The following CACNA1D variants were observed in gnomAD, a reference collection of about 807,000 sequenced individuals.
CACNA1D encodes calcium voltage-gated channel subunit alpha1 D.
CACNA1D carries 55 observed loss-of-function variants against 257.1 expected under a neutral mutation model. The ratio of observed to expected loss-of-function variants is 0.21; its 90% confidence interval spans 0.17 to 0.27. The LOEUF (loss-of-function observed/expected upper bound fraction) is 0.27, where lower values mean the gene tolerates loss of function less well. Among genes scored for constraint, CACNA1D ranks in the 10% least tolerant of loss-of-function variants. CACNA1D has a pLI of 1.00. For synonymous variants in CACNA1D, 980 were observed against 1,014.9 expected, an observed-to-expected ratio of 0.97 and a Z score of 0.65; for missense variants, 1,876 against 2,784.0, an observed-to-expected ratio of 0.67 and a Z score of 7.34.
At chr3:53,777,080 T>C in intron 37 of CACNA1D, 124 bp downstream of exon 37, 1 of 753,930 alleles carries the variant, frequency 1.3e-6, no homozygotes, top group East Asian at 2.7e-5. Context: ...ATGAATAATA[T>C]GTGGTTCCTA....
At chr3:53,735,352 A>C (rs1263791503) in intron 19 of CACNA1D, 22 bp from the exon 20 acceptor site, 1 of 1,613,260 alleles carries the variant, frequency 6.2e-7, no homozygotes, top group Non-Finnish European at 8.5e-7. Context: ...GACTGTTTCC[A>C]AGCAGCGGCT....
intron 37 of CACNA1D, among the ~76,000 whole-genome samples, chr3:53,777,209 C>T (rs1032368697): frequency 3.3e-5 from 5 of 152,202 alleles, no homozygotes; most frequent in Middle Eastern, 3.4e-3. Context: ...CATTTCAGTC[C>T]GGTCCAGAAG....
chr3:53,791,543 G>C (rs1442536197), intron 40 of CACNA1D: 2 of 154,718 alleles, frequency 1.3e-5, no homozygotes, highest in Admixed American at 1.3e-4. Flanking sequence ...AGCTGACAGA[G>C]TTCCTTTTGT....
At chr3:53,769,550 A>T (rs945561881) in intron 30 of CACNA1D, among the ~76,000 whole-genome samples, 1 of 152,190 alleles carries the variant, frequency 6.6e-6, no homozygotes. Context: ...GGCAGGCACC[A>T]CTGCTTGCCC....
At chr3:53,663,090 G>A (rs2094221374) in intron 5 of CACNA1D, among the ~76,000 whole-genome samples, 1 of 152,178 alleles carries the variant, frequency 6.6e-6, no homozygotes, top group Non-Finnish European at 1.5e-5. Context: ...AGTTTTAGTT[G>A]TAATAGAGGT....
intron 3 of CACNA1D, among the ~76,000 whole-genome samples, chr3:53,578,576 G>C (rs1478959821): frequency 6.6e-6 from 1 of 152,148 alleles, no homozygotes; most frequent in Non-Finnish European, 1.5e-5. Flanking sequence ...TGGTGAGGAT[G>C]AATCTGTGAA....
At chr3:53,746,678 C>T (rs921053746) in intron 25 of CACNA1D, among the ~76,000 whole-genome samples, 1 of 152,210 alleles carries the variant, frequency 6.6e-6, no homozygotes, top group African/African-American at 2.4e-5. Flanking sequence ...TTCATGGCGT[C>T]CCTGGAGGTG....
At chr3:53,520,019 C>T in intron 3 of CACNA1D, among the ~76,000 whole-genome samples, 1 of 152,208 alleles carries the variant, frequency 6.6e-6, no homozygotes, top group Non-Finnish European at 1.5e-5. Context: ...ACTAAAGGGA[C>T]ATACCACATT....
intron 15 of CACNA1D, among the ~76,000 whole-genome samples, chr3:53,729,565 A>G (rs1280032249): frequency 6.6e-6 from 1 of 152,238 alleles, no homozygotes; most frequent in Non-Finnish European, 1.5e-5. Context: ...CTAGTGGGTA[A>G]GAAACAGGCA....
At chr3:53,784,899 C>T (rs1404565615) in intron 39 of CACNA1D, among the ~76,000 whole-genome samples, 1 of 152,122 alleles carries the variant, frequency 6.6e-6, no homozygotes, top group Non-Finnish European at 1.5e-5. Flanking sequence ...GGATAGGATC[C>T]CAGACTCAAG....
intron 3 of CACNA1D, among the ~76,000 whole-genome samples, chr3:53,586,259 G>A (rs1199437530): frequency 2.7e-5 from 4 of 149,412 alleles, no homozygotes; most frequent in African/African-American, 7.5e-5. Context: ...TTCCACTGAC[G>A]TTTCCTTGCC....
At chr3:53,563,342 G>A (rs2092773888) in intron 3 of CACNA1D, among the ~76,000 whole-genome samples, 1 of 152,086 alleles carries the variant, frequency 6.6e-6, no homozygotes, top group African/African-American at 2.4e-5. Context: ...TGGCTGACAT[G>A]ATGAAACCCC....
chr3:53,799,201 C>G lies in CACNA1D; in HGVS notation c.4924-1048C>G, dbSNP rs2095523269. On this transcript the variant is annotated intron_variant, in intron 40 of 47. Coordinates refer to ENST00000350061, the MANE Select transcript of CACNA1D (RefSeq NM_001128840.3). ...GGACATGCCTTCTTCAGATGCAGGA[C>G]TTTCTGTGGAAAAGAATAAAGTTGC... 6.6e-5 allele frequency among the ~76,000 whole-genome samples: 10 copies of G among 152,230 alleles called. No individual in the cohort carries two copies. In the South Asian group the frequency reaches 2.1e-3, roughly 32 times the overall value.
At chr3:53,738,659 G>A (rs965382139) in intron 20 of CACNA1D, among the ~76,000 whole-genome samples, 1 of 152,090 alleles carries the variant, frequency 6.6e-6, no homozygotes, top group South Asian at 2.1e-4. Context: ...ACCCAAAAAT[G>A]TTACCGTTCT....
rs778718562 is a variant in CACNA1D at position 53,781,584 on chromosome 3, A to C, written c.4709A>C (p.Asn1570Thr). The change falls in exon 39 of 48, where the codon AAT (asparagine) becomes ACT (threonine). Residue 1570 changes from asparagine (N) to threonine (T), a missense_variant. By Grantham distance (65) the Asn-to-Thr change is moderately conservative. Coordinates refer to ENST00000350061, the MANE Select transcript of CACNA1D (RefSeq NM_001128840.3). ...AATCCAGGGAACCTGGAGCAAGCTA[A>C]TGAAGAACTTCGGGCTGTGATAAAG... ...IKTEGNLEQA[N>T]EELRAVIKKI... 6.2e-7 allele frequency: 1 copy of C among 1,613,634 alleles called. No homozygotes were observed. Among genetic ancestry groups the C allele is most frequent in the Non-Finnish European group, 8.5e-7 (1 of 1,179,488 alleles).
chr3:53,552,199 G>T (rs781083716), intron 3 of CACNA1D, among the ~76,000 whole-genome samples: 4 of 152,108 alleles, frequency 2.6e-5, no homozygotes, highest in Admixed American at 6.5e-5. Context: ...ATTTTACTGT[G>T]GCTTACCTCC....
chr3:53,638,190 G>T (rs1213044424), intron 3 of CACNA1D, among the ~76,000 whole-genome samples: 1 of 152,162 alleles, frequency 6.6e-6, no homozygotes, highest in East Asian at 1.9e-4. Context: ...TGGGCCTGGG[G>T]ATCTGGGCCC....
chr3:53,776,128 C>A, intron 35 of CACNA1D, 83 bp downstream of exon 35: 1 of 1,267,136 alleles, frequency 7.9e-7, no homozygotes, highest in Non-Finnish European at 1.1e-6. Flanking sequence ...CTTGCCCTGT[C>A]CCATCGCCTG....
rs562587635 is a variant in CACNA1D at position 53,690,303 on chromosome 3, G to A, written c.1221-12338G>A. ...TATTCTCAAAGCTCTATGCTTTGTC[G>A]TTTTTGTTTTTGTTTTCTCTTCCTG... On this transcript the variant is annotated intron_variant, in intron 8 of 47. Coordinates refer to ENST00000350061, the MANE Select transcript of CACNA1D (RefSeq NM_001128840.3). Among the ~76,000 whole-genome samples, 30 of 152,026 alleles carry A rather than the reference G, an allele frequency of 2.0e-4. No individual in the cohort carries two copies. In the South Asian group the frequency reaches 4.1e-3, roughly 21 times the overall value.
Sources: gnomAD v4.1 joint callset for allele counts (sites outside exome capture counted in the v4.1 genomes callset) on GRCh38, gnomAD v4.1.1 for gene constraint, MANE v1.5 for transcripts, NCBI Gene and HGNC (gene_info 2026-07-23, HGNC 2026-07-21) for gene names.